The following HPSE2 variants were observed in gnomAD, a reference collection of about 807,000 sequenced individuals.
HPSE2 encodes heparanase 2 (inactive).
Under a neutral mutation model 60.5 loss-of-function variants are expected in HPSE2, and 38 were observed. That is an observed-to-expected ratio of 0.63 (90% CI 0.48 to 0.82). The LOEUF (loss-of-function observed/expected upper bound fraction) is 0.82. Among genes scored for constraint, HPSE2 ranks in the 40% least tolerant of loss-of-function variants. The pLI, the probability that HPSE2 is intolerant of heterozygous loss-of-function variation, is 0.00. For missense variants in HPSE2, 713 were observed against 740.4 expected (o/e 0.96, Z 0.43); for synonymous variants, 295 against 293.2 (o/e 1.01, Z -0.06).
At chr10:98,561,448 C>A (rs1248968253) in intron 9 of HPSE2, among the ~76,000 whole-genome samples, 1 of 151,978 alleles carries the variant, frequency 6.6e-6, no homozygotes, top group Non-Finnish European at 1.5e-5. Flanking sequence ...TTTTGTACAA[C>A]TGTTAGGCTA....
At chr10:99,170,427 T>C (rs1362370576) in intron 2 of HPSE2, among the ~76,000 whole-genome samples, 1 of 152,172 alleles carries the variant, frequency 6.6e-6, no homozygotes, top group Non-Finnish European at 1.5e-5. Flanking sequence ...GACACTATAG[T>C]TTAATCTCCA....
chr10:98,603,077 TA>T (rs1238516997), intron 9 of HPSE2, among the ~76,000 whole-genome samples: 1 of 152,116 alleles, frequency 6.6e-6, no homozygotes, highest in South Asian at 2.1e-4. Flanking sequence ...GAACAATAAA[TA>T]AAAAGCTGAA....
chr10:99,202,437 A>G (rs1848606039), intron 2 of HPSE2, among the ~76,000 whole-genome samples: 1 of 152,228 alleles, frequency 6.6e-6, no homozygotes, highest in Non-Finnish European at 1.5e-5. Context: ...TGTATTGTTG[A>G]AGACGACAGA....
At chr10:98,958,636 A>C (rs1005199751) in intron 3 of HPSE2, among the ~76,000 whole-genome samples, 1 of 152,042 alleles carries the variant, frequency 6.6e-6, no homozygotes, top group African/African-American at 2.4e-5. Flanking sequence ...CTAAAGATTA[A>C]ATTTCTTGCC....
chr10:98,989,781 G>T (rs1387788044), intron 3 of HPSE2, among the ~76,000 whole-genome samples: 4 of 152,148 alleles, frequency 2.6e-5, no homozygotes, highest in Non-Finnish European at 5.9e-5. Context: ...TACAAAGCAG[G>T]CTTGGAGAAT....
At chr10:99,256,870 G>A in the HPSE2 span, among the ~76,000 whole-genome samples, 1 of 152,156 alleles carries the variant, frequency 6.6e-6, no homozygotes, top group African/African-American at 2.4e-5. Flanking sequence ...TGGCCAACAT[G>A]GTGATACCCT....
intron 9 of HPSE2, among the ~76,000 whole-genome samples, chr10:98,572,150 A>G (rs1012444510): frequency 3.9e-5 from 6 of 152,056 alleles, no homozygotes; most frequent in Non-Finnish European, 2.9e-5. Flanking sequence ...TATGTTGGCC[A>G]GGCTGGTCTC....
intron 9 of HPSE2, among the ~76,000 whole-genome samples, chr10:98,599,439 C>T (rs1183454201): frequency 6.6e-6 from 1 of 152,102 alleles, no homozygotes; most frequent in East Asian, 1.9e-4. Context: ...CCACTAGGGC[C>T]AGTCCAATAG....
chr10:99,033,071 G>A (rs1957533338), intron 3 of HPSE2, among the ~76,000 whole-genome samples: 1 of 152,204 alleles, frequency 6.6e-6, no homozygotes, highest in African/African-American at 2.4e-5. Context: ...TATTGGGAAT[G>A]GAGGAGAGGG....
At chr10:99,217,191 T>C (rs1044810538) in intron 2 of HPSE2, among the ~76,000 whole-genome samples, 28 of 150,680 alleles carry the variant, frequency 1.9e-4, no homozygotes, top group Admixed American at 1.3e-4. Flanking sequence ...AGTAGTAACA[T>C]TAGTATCTAG....
At chr10:98,541,323 A>C (rs1055809210) in intron 9 of HPSE2, among the ~76,000 whole-genome samples, 3 of 152,342 alleles carry the variant, frequency 2.0e-5, no homozygotes, top group African/African-American at 7.2e-5. Context: ...CTTAAAAAAA[A>C]ACTCGGGGGA....
chr10:98,672,738 C>A (rs1314154816), intron 6 of HPSE2, among the ~76,000 whole-genome samples: 1 of 152,164 alleles, frequency 6.6e-6, no homozygotes, highest in Non-Finnish European at 1.5e-5. Flanking sequence ...AGACCTCAAT[C>A]ATTTCTAAGC....
At chr10:98,827,625 G>A (rs1301830327) in intron 3 of HPSE2, among the ~76,000 whole-genome samples, 2 of 152,162 alleles carry the variant, frequency 1.3e-5, no homozygotes, top group Non-Finnish European at 2.9e-5. Context: ...ATTACAAAGG[G>A]GAAACAGTAA....
intron 9 of HPSE2, among the ~76,000 whole-genome samples, chr10:98,521,620 C>T (rs1327062496): frequency 6.6e-6 from 1 of 152,140 alleles, no homozygotes; most frequent in African/African-American, 2.4e-5. Context: ...TTGACCCAGC[C>T]ATCCCATTAC....
At chr10:99,179,589 C>T (rs959400986) in intron 2 of HPSE2, among the ~76,000 whole-genome samples, 1 of 152,024 alleles carries the variant, frequency 6.6e-6, no homozygotes, top group South Asian at 2.1e-4. Context: ...CTACAAACCA[C>T]GGCTCAAGGA....
At chr10:98,998,346 T>C (rs533649127) in intron 3 of HPSE2, among the ~76,000 whole-genome samples, 1 of 152,230 alleles carries the variant, frequency 6.6e-6, no homozygotes, top group South Asian at 2.1e-4. Flanking sequence ...TTTCCTGTGA[T>C]AGTCTTAAAG....
At chr10:98,812,105 T>G (rs1321326242) in intron 3 of HPSE2, among the ~76,000 whole-genome samples, 1 of 152,176 alleles carries the variant, frequency 6.6e-6, no homozygotes, top group African/African-American at 2.4e-5. Flanking sequence ...TTGATTTGTG[T>G]GGTTCTTTAA....
At chr10:99,297,287 T>C in the HPSE2 span, among the ~76,000 whole-genome samples, 2 of 152,220 alleles carry the variant, frequency 1.3e-5, no homozygotes, top group African/African-American at 2.4e-5. Flanking sequence ...ACTGCTGCAG[T>C]TGAACCAAGC....
chr10:98,542,731 A>T (rs1189321804), intron 9 of HPSE2, among the ~76,000 whole-genome samples: 3 of 151,140 alleles, frequency 2.0e-5, no homozygotes, highest in African/African-American at 7.2e-5. Flanking sequence ...GGTATCAGCG[A>T]TGGAAGATGA....
Sources: allele counts gnomAD v4.1 joint callset (sites outside exome capture counted in the v4.1 genomes callset), GRCh38; gene constraint gnomAD v4.1.1; transcripts MANE v1.5; gene names NCBI Gene and HGNC (gene_info 2026-07-23, HGNC 2026-07-21).